Variants in OTUD7A observed in about 807,000 individuals in gnomAD.
OTUD7A encodes OTU deubiquitinase 7A.
Under a neutral mutation model 65.7 loss-of-function variants are expected in OTUD7A, and 12 were observed. The observed-to-expected ratio is 0.18, with a 90% CI of 0.12 to 0.30. The LOEUF is 0.30. OTUD7A is among the 10% of genes least tolerant of loss of function. The pLI is 1.00. For synonymous variants in OTUD7A, 641 were observed against 586.3 expected, an observed-to-expected ratio of 1.09 and a Z score of -1.35; for missense variants, 1,148 against 1,304.8, an observed-to-expected ratio of 0.88 and a Z score of 1.85.
At chr15:31,545,035 T>C in intron 5 of OTUD7A, among the ~76,000 whole-genome samples, 1 of 152,046 alleles carries the variant, frequency 6.6e-6, no homozygotes, top group East Asian at 1.9e-4. Flanking sequence ...TTCTAAGTAA[T>C]TTATGAGTCA....
At chr15:31,614,506 T>C (rs1226713575) in intron 3 of OTUD7A, among the ~76,000 whole-genome samples, 1 of 152,056 alleles carries the variant, frequency 6.6e-6, no homozygotes, top group African/African-American at 2.4e-5. Context: ...GACTTTTAAA[T>C]GGAAATAATA....
chr15:31,753,684 G>GATATAT (rs374008491), intron 1 of OTUD7A, among the ~76,000 whole-genome samples: 2 of 61,176 alleles, frequency 3.3e-5, no homozygotes, highest in East Asian at 1.9e-3. Context: ...TATAACCTGT[G>GATATAT]AGATATATAT....
chr15:31,752,474 A>G (rs1000898003), intron 1 of OTUD7A, among the ~76,000 whole-genome samples: 2 of 152,206 alleles, frequency 1.3e-5, no homozygotes, highest in African/African-American at 2.4e-5. Context: ...CATGACATCA[A>G]TGAACATTTT....
At chr15:31,699,174 A>G (rs1893154672) in intron 1 of OTUD7A, among the ~76,000 whole-genome samples, 1 of 148,520 alleles carries the variant, frequency 6.7e-6, no homozygotes, top group East Asian at 2.0e-4. Context: ...CCACCTCCTG[A>G]GTTCATGCCA....
At chr15:31,590,835 G>A (rs1284668769) in intron 3 of OTUD7A, among the ~76,000 whole-genome samples, 5 of 152,214 alleles carry the variant, frequency 3.3e-5, no homozygotes, top group Admixed American at 6.5e-5. Flanking sequence ...GCTCCATGCT[G>A]TGCCTTAGGG....
At chr15:31,812,410 T>C (rs7176519) in intron 1 of OTUD7A, among the ~76,000 whole-genome samples, 6 of 152,272 alleles carry the variant, frequency 3.9e-5, no homozygotes, top group African/African-American at 7.2e-5. Flanking sequence ...GAATTTAAAT[T>C]ACTCTGCCTC....
chr15:31,487,393 A>T lies in OTUD7A; in HGVS notation c.1286+59T>A. The T allele has an allele frequency of 6.3e-7, 1 of 1,585,808 alleles. No homozygotes were observed. The highest frequency in any genetic ancestry group is 8.6e-7 in the Non-Finnish European group (1 of 1,158,418). On this transcript the variant is annotated intron_variant, in intron 11 of 12. Coordinates refer to ENST00000307050, the MANE Select transcript of OTUD7A (RefSeq NM_001382637.1). This position sits in a 1 kb window ranked among gnomAD's most constrained non-coding sequence, Gnocchi z 6.0. ...AGGGGTGGTACATTCCCTCCCCAGGATGCCCCAGCCATAGCCCTCCCTGTG... is the reference window on the plus strand; with the variant it reads ...AGGGGTGGTACATTCCCTCCCCAGGTTGCCCCAGCCATAGCCCTCCCTGTG...
At chr15:31,565,845 A>T (rs1416790907) in intron 4 of OTUD7A, among the ~76,000 whole-genome samples, 1 of 152,248 alleles carries the variant, frequency 6.6e-6, no homozygotes, top group East Asian at 1.9e-4. Flanking sequence ...TGCTATTTAC[A>T]AAAATTTCAA....
chr15:31,614,945 G>A (rs528743907), intron 3 of OTUD7A, among the ~76,000 whole-genome samples: 6 of 152,296 alleles, frequency 3.9e-5, no homozygotes, highest in East Asian at 1.9e-4. Context: ...AGGGAAACTC[G>A]ATAGTCAAGG....
intron 1 of OTUD7A, among the ~76,000 whole-genome samples, chr15:31,822,041 T>C (rs1896695594): frequency 1.3e-5 from 2 of 152,258 alleles, no homozygotes; most frequent in African/African-American, 4.8e-5. Flanking sequence ...AAATATTTTC[T>C]CCCATTCTAT....
intron 6 of OTUD7A, among the ~76,000 whole-genome samples, chr15:31,528,753 C>T (rs1015103210): frequency 1.1e-4 from 16 of 152,220 alleles, no homozygotes; most frequent in African/African-American, 3.9e-4. Flanking sequence ...CTATATGTGC[C>T]CCACAATCCT....
chr15:31,543,322 TA>T (rs2141137282), intron 5 of OTUD7A, among the ~76,000 whole-genome samples: 1 of 151,978 alleles, frequency 6.6e-6, no homozygotes, highest in Non-Finnish European at 1.5e-5. Context: ...GTAGAATTTT[TA>T]AAAAGACATG....
chr15:31,766,604 A>G, intron 1 of OTUD7A: 1 of 1,609,984 alleles, frequency 6.2e-7, no homozygotes, highest in East Asian at 2.2e-5. Context: ...CCACTGGTGT[A>G]TTGATAATAA....
intron 1 of OTUD7A, among the ~76,000 whole-genome samples, chr15:31,666,934 G>A (rs1295080593): frequency 6.6e-6 from 1 of 152,170 alleles, no homozygotes; most frequent in African/African-American, 2.4e-5. Context: ...GTATTTGCAT[G>A]GTTTTGAAGG....
chr15:31,532,994 C>CGGA (rs1442565523), intron 5 of OTUD7A, among the ~76,000 whole-genome samples: 115 of 149,826 alleles, frequency 7.7e-4, no homozygotes, highest in Middle Eastern at 7.0e-3. Flanking sequence ...AAAAGGTTCC[C>CGGA]AATTTTTGCA....
At chr15:31,850,554 T>TGTA (rs71424627) in intron 1 of OTUD7A, among the ~76,000 whole-genome samples, 1 of 150,258 alleles carries the variant, frequency 6.7e-6, no homozygotes, top group Non-Finnish European at 1.5e-5. Context: ...AAACTTAAAG[T>TGTA]ATAATAATAA....
At chr15:31,847,569 A>G (rs1171227135) in intron 1 of OTUD7A, among the ~76,000 whole-genome samples, 1 of 152,200 alleles carries the variant, frequency 6.6e-6, no homozygotes, top group Admixed American at 6.5e-5. Context: ...TGAAGGCATA[A>G]GGGTTTGCAA....
At chr15:31,845,849 G>A (rs749236796) in intron 1 of OTUD7A, among the ~76,000 whole-genome samples, 24 of 152,242 alleles carry the variant, frequency 1.6e-4, no homozygotes, top group Non-Finnish European at 2.8e-4. Context: ...CCACAGACCC[G>A]TTGGGGGTTG....
At chr15:31,829,934 C>T (rs1257191385) in intron 1 of OTUD7A, among the ~76,000 whole-genome samples, 1 of 152,192 alleles carries the variant, frequency 6.6e-6, no homozygotes, top group Admixed American at 6.5e-5. Context: ...GCCGTGGTAG[C>T]CTCTTCTTGC....
Sources: allele counts gnomAD v4.1 joint callset (sites outside exome capture counted in the v4.1 genomes callset), GRCh38; gene constraint gnomAD v4.1.1; non-coding constraint Gnocchi (gnomAD v3.1); transcripts MANE v1.5; gene names NCBI Gene and HGNC (gene_info 2026-07-23, HGNC 2026-07-21).